Variants in AGPAT3 observed in about 807,000 individuals in gnomAD.
AGPAT3 encodes the protein 1-acylglycerol-3-phosphate O-acyltransferase 3.
AGPAT3 carries 5 observed loss-of-function variants against 47.3 expected under a neutral mutation model. That is an observed-to-expected ratio of 0.11 (90% CI 0.06 to 0.22). AGPAT3 has a LOEUF of 0.22. AGPAT3 is among the 10% of genes least tolerant of loss of function. The pLI, the probability that AGPAT3 is intolerant of heterozygous loss-of-function variation, is 1.00. For synonymous variants in AGPAT3, 212 were observed against 208.3 expected, an observed-to-expected ratio of 1.02 and a Z score of -0.15; for missense variants, 315 against 493.0, an observed-to-expected ratio of 0.64 and a Z score of 3.42.
intron 5 of AGPAT3, 69 bp downstream of exon 5, chr21:43,969,348 T>C (rs1487944755): frequency 6.3e-7 from 1 of 1,584,530 alleles, no homozygotes; most frequent in Non-Finnish European, 8.6e-7. Flanking sequence ...GATGCACGGC[T>C]GCCCACATCC....
rs1426452253 is a variant in AGPAT3, at chr21:43,952,304, C to G, written c.-48-7330C>G. Among the ~76,000 whole-genome samples the G allele has an allele frequency of 6.6e-6, 1 of 152,168 alleles. No homozygotes were observed. Among genetic ancestry groups the G allele is most frequent in the Non-Finnish European group, 1.5e-5 (1 of 68,032 alleles). On this transcript the variant is annotated intron_variant, in intron 2 of 9. Transcript: ENST00000291572. The surrounding 1 kb of genome is among the most constrained non-coding windows in gnomAD (Gnocchi z 5.6). ...CATAAGGACACCGGTCAGATGGAAT[C>G]AGCGCCCACCCTGATGATATCATTT...
intron 1 of AGPAT3, among the ~76,000 whole-genome samples, chr21:43,898,004 G>C (rs1009257788): frequency 6.6e-6 from 1 of 152,210 alleles, no homozygotes; most frequent in East Asian, 1.9e-4. Flanking sequence ...GGCGGCGCGC[G>C]CCTGCAATCC....
At chr21:43,900,714 G>A (rs772628726) in intron 1 of AGPAT3, among the ~76,000 whole-genome samples, 10 of 152,252 alleles carry the variant, frequency 6.6e-5, no homozygotes, top group Non-Finnish European at 1.3e-4. Context: ...CACAGTCCCC[G>A]AGTTCACAGG....
At chr21:43,906,809 A>G (rs1356579676) in intron 2 of AGPAT3, among the ~76,000 whole-genome samples, 1 of 152,186 alleles carries the variant, frequency 6.6e-6, no homozygotes, top group East Asian at 1.9e-4. Context: ...AGCAGCATGG[A>G]ATGAGCTGCG....
chr21:43,894,635 A>G (rs189649772), intron 1 of AGPAT3, among the ~76,000 whole-genome samples: 18 of 152,344 alleles, frequency 1.2e-4, no homozygotes, highest in African/African-American at 4.3e-4. Flanking sequence ...TGTAGTCACC[A>G]TACTGATCTA....
chr21:43,881,663 AT>A lies in AGPAT3; in HGVS notation c.-112+16329del, dbSNP rs568234997. Among the ~76,000 whole-genome samples, 130 of 149,366 alleles carry A rather than the reference AT, an allele frequency of 8.7e-4. 1 individual carries two copies. In the Middle Eastern group the frequency reaches 0.024, roughly 28 times the overall value. ...CTGGGTTAAATAAAATGTATTATTA[AT>A]TTTTTTTTTTAGATGGAGTTTTGCT... is the stretch of plus-strand genomic sequence containing the variant. On this transcript the variant is annotated intron_variant, in intron 1 of 9. Coordinates refer to ENST00000291572, the MANE Select transcript of AGPAT3 (RefSeq NM_020132.5).
intron 1 of AGPAT3, among the ~76,000 whole-genome samples, chr21:43,893,866 A>G (rs1399598357): frequency 6.6e-6 from 1 of 152,250 alleles, no homozygotes; most frequent in Non-Finnish European, 1.5e-5. Context: ...ATCACTGACC[A>G]CAGATCACTG....
At chr21:43,888,606 T>C (rs185875374) in intron 1 of AGPAT3, among the ~76,000 whole-genome samples, 8 of 152,336 alleles carry the variant, frequency 5.3e-5, no homozygotes, top group Admixed American at 3.3e-4. Flanking sequence ...TCAATCAATA[T>C]TCTTATATAT....
rs9977376 is a variant in AGPAT3, at chr21:43,943,165, C to T, written c.-48-16469C>T. The stretch of plus-strand genomic sequence containing the variant: ...TCTCAGCTCACTGCAAGCTCCGTCT[C>T]CCAGGTTCACACCATTCTCCTGCCT... On this transcript the variant is annotated intron_variant, in intron 2 of 9. Coordinates refer to ENST00000291572, the MANE Select transcript of AGPAT3 (RefSeq NM_020132.5). Among the ~76,000 whole-genome samples, 1,305 of 152,272 alleles carry T rather than the reference C, an allele frequency of 8.6e-3. 20 individuals carry two copies. Among genetic ancestry groups the T allele is most frequent in the African/African-American group, 0.03 (1,235 of 41,542 alleles).
chr21:43,889,683 C>T (rs1371208215), intron 1 of AGPAT3, among the ~76,000 whole-genome samples: 1 of 152,156 alleles, frequency 6.6e-6, no homozygotes, highest in African/African-American at 2.4e-5. Flanking sequence ...CGTGCCTGAT[C>T]TCATCAGAAG....
chr21:43,915,534 C>G (rs1028894608), intron 2 of AGPAT3, among the ~76,000 whole-genome samples: 4 of 148,342 alleles, frequency 2.7e-5, no homozygotes, highest in Non-Finnish European at 5.9e-5. Flanking sequence ...GCCTCAGCCT[C>G]CTGAGTAGCT....
chr21:43,903,717 C>T (rs1468358383), intron 1 of AGPAT3, among the ~76,000 whole-genome samples: 1 of 152,218 alleles, frequency 6.6e-6, no homozygotes, highest in Non-Finnish European at 1.5e-5. Context: ...ATTTATGAGC[C>T]ATCTGTTGGG....
intron 4 of AGPAT3, 134 bp from the exon 5 acceptor site, chr21:43,968,984 A>C: frequency 1.1e-6 from 1 of 887,132 alleles, no homozygotes; most frequent in Admixed American, 2.8e-5. Flanking sequence ...GCTTCACAGC[A>C]GACCCCCTGA....
chr21:43,973,242 G>A lies in AGPAT3; in HGVS notation c.767+1752G>A, dbSNP rs116544330. Among the ~76,000 whole-genome samples, 1,410 of 152,356 alleles carry A rather than the reference G, an allele frequency of 9.3e-3. 30 individuals are homozygous for A. The highest frequency in any genetic ancestry group is 0.032 in the African/African-American group (1,347 of 41,584). Reference sequence around the variant, plus strand: ...TCTCCCTTATGTGCCTAAAACCCCTGGGAGGGAGCTCTGAGCCACTGTGGA... The same window carrying A: ...TCTCCCTTATGTGCCTAAAACCCCTAGGAGGGAGCTCTGAGCCACTGTGGA... On this transcript the variant is annotated intron_variant, in intron 7 of 9. Transcript: ENST00000291572.
intron 2 of AGPAT3, among the ~76,000 whole-genome samples, chr21:43,915,497 C>T (rs1305752788): frequency 1.4e-5 from 2 of 141,598 alleles, no homozygotes; most frequent in Admixed American, 7.3e-5. Flanking sequence ...CTGTAACCTC[C>T]GCCTCCCAGG....
At chr21:43,967,072 C>G (rs962691251) in intron 3 of AGPAT3, 3 of 152,302 alleles carry the variant, frequency 2.0e-5, no homozygotes, top group Admixed American at 2.0e-4. Context: ...CCCAGAGTCC[C>G]CATCAGGAGA....
rs2086544813 is a variant in AGPAT3, at chr21:43,908,007, G to A, written c.-49+3988G>A. ...CTCGTGGAAGCATGTTCCCGTAATA[G>A]CAGAGCAAAGGGATGATGGTCTTCG... On this transcript the variant is annotated intron_variant, in intron 2 of 9. Coordinates refer to ENST00000291572, the MANE Select transcript of AGPAT3 (RefSeq NM_020132.5). The surrounding 1 kb of genome is among the most constrained non-coding windows in gnomAD (Gnocchi z 4.9). 1.3e-5 allele frequency among the ~76,000 whole-genome samples: 2 copies of A among 152,316 alleles called. No homozygotes were observed. Among genetic ancestry groups the A allele is most frequent in the Admixed American group, 6.5e-5 (1 of 15,298 alleles).
At chr21:43,882,161 T>A (rs2085867349) in intron 1 of AGPAT3, among the ~76,000 whole-genome samples, 1 of 152,224 alleles carries the variant, frequency 6.6e-6, no homozygotes, top group South Asian at 2.1e-4. Context: ...GAGGGAGTGG[T>A]CAGTCTCAGC....
chr21:43,951,024 C>T (rs907806149), intron 2 of AGPAT3: 1 of 152,270 alleles, frequency 6.6e-6, no homozygotes, highest in African/African-American at 2.4e-5. Flanking sequence ...CTCTACTGTT[C>T]CTGATGGTGG....
Sources: allele counts gnomAD v4.1 joint callset (sites outside exome capture counted in the v4.1 genomes callset), GRCh38; gene constraint gnomAD v4.1.1; non-coding constraint Gnocchi (gnomAD v3.1); transcripts MANE v1.5; gene names NCBI Gene and HGNC (gene_info 2026-07-23, HGNC 2026-07-21).